COL18A1: variants seen among roughly 807,000 people sequenced by gnomAD.
COL18A1 encodes collagen alpha-1(XVIII) chain.
A neutral mutation model predicts 168.0 loss-of-function variants in COL18A1; 133 were observed. That is an observed-to-expected ratio of 0.79 (90% CI 0.69 to 0.91). The LOEUF (loss-of-function observed/expected upper bound fraction) is 0.91, where lower values mean the gene tolerates loss of function less well. COL18A1 is among the 40% of genes least tolerant of loss of function. The pLI is 0.00. For missense variants in COL18A1, 2,126 were observed against 1,925.4 expected (o/e 1.10, Z -1.95); for synonymous variants, 949 against 809.0 (o/e 1.17, Z -2.94).
At chr21:45,496,939 T>A (rs970891792) in intron 30 of COL18A1, 111 bp from the exon 31 acceptor site, 1 of 759,482 alleles carries the variant, frequency 1.3e-6, no homozygotes, top group African/African-American at 1.7e-5. Context: ...GGGAGGCTGC[T>A]ATGTGGCCTC....
At chr21:45,449,404 A>G (rs1602406987) in intron 2 of COL18A1, among the ~76,000 whole-genome samples, 1 of 152,132 alleles carries the variant, frequency 6.6e-6, no homozygotes. Flanking sequence ...TCCCCACCTC[A>G]TAGTCCCCAG....
intron 2 of COL18A1, among the ~76,000 whole-genome samples, chr21:45,460,022 C>T (rs2034988878): frequency 6.6e-6 from 1 of 152,298 alleles, no homozygotes; most frequent in East Asian, 1.9e-4. Flanking sequence ...GGCAAGCATC[C>T]TCTGACCTGG....
intron 32 of COL18A1, among the ~76,000 whole-genome samples, chr21:45,499,269 G>C (rs1379211207): frequency 1.3e-5 from 2 of 152,228 alleles, no homozygotes; most frequent in Non-Finnish European, 2.9e-5. Context: ...GGCAGTGGAG[G>C]GTATTTCAGG....
In COL18A1 at chr21:45,473,975, A is replaced by C; in HGVS notation, c.732A>C (p.Ser244=). 6.3e-7 allele frequency: 1 copy of C among 1,592,562 alleles called. No individual in the cohort carries two copies. Among genetic ancestry groups the C allele is most frequent in the South Asian group, 1.1e-5 (1 of 87,494 alleles). ...MHCLDEEGDD[S]DGASGDSGSG... The stretch of plus-strand genomic sequence containing the variant: ...GCCTGGACGAGGAAGGCGATGACTC[A>C]GATGGGGTGAGTGACATCTGGGGCA... Residue 244 remains serine (S), a synonymous_variant, in exon 4 of 42, where the codon TCA becomes TCC. Transcript: ENST00000651438. The surrounding 1 kb of genome is among the most constrained non-coding windows in gnomAD (Gnocchi z 4.0).
chr21:45,472,048 A>G (rs900040960), intron 3 of COL18A1, among the ~76,000 whole-genome samples: 2 of 151,760 alleles, frequency 1.3e-5, no homozygotes, highest in African/African-American at 4.8e-5. Context: ...CCTCGGGGGC[A>G]CTCTCAGGAG....
intron 15 of COL18A1, among the ~76,000 whole-genome samples, chr21:45,485,810 G>A (rs2036088529): frequency 6.6e-6 from 1 of 152,204 alleles, no homozygotes; most frequent in South Asian, 2.1e-4. Context: ...TCCCCACAGA[G>A]GGGGTTTCCT....
chr21:45,496,080 CATGCCCTCT>C (rs1035710090), intron 29 of COL18A1: 100 of 254,714 alleles, frequency 3.9e-4, no homozygotes, highest in East Asian at 1.1e-3. Context: ...CCATGCCCTC[CATGCCCTCT>C]ATGCCCTCCA....
intron 20 of COL18A1, 26 bp from the exon 21 acceptor site, chr21:45,490,810 G>T: frequency 6.5e-7 from 1 of 1,549,776 alleles, no homozygotes; most frequent in South Asian, 1.2e-5. Flanking sequence ...TGTTGGTGAT[G>T]AACCATTTCC....
chr21:45,482,861 G>C (rs777961450), intron 15 of COL18A1, 40 bp downstream of exon 15: 1 of 1,613,954 alleles, frequency 6.2e-7, no homozygotes. Flanking sequence ...CCCTGCCCCT[G>C]GTGCCCACTC....
chr21:45,432,219 G>A (rs1011323984), intron 2 of COL18A1, among the ~76,000 whole-genome samples: 50 of 150,618 alleles, frequency 3.3e-4, no homozygotes, highest in African/African-American at 1.1e-3. Context: ...GCCCTCATGG[G>A]GGGTCCTGAA....
chr21:45,511,367 A>G, intron 41 of COL18A1, 141 bp downstream of exon 41: 1 of 681,090 alleles, frequency 1.5e-6, no homozygotes, highest in South Asian at 1.5e-5. Context: ...AAAATCCAAA[A>G]GAGCATTGAG....
intron 5 of COL18A1, among the ~76,000 whole-genome samples, chr21:45,476,039 A>AT (rs2035636755): frequency 6.6e-6 from 1 of 152,146 alleles, no homozygotes; most frequent in Non-Finnish European, 1.5e-5. Flanking sequence ...CGGGTGCGGG[A>AT]ACGTGTTCCC....
intron 15 of COL18A1, 30 bp downstream of exon 15, chr21:45,482,851 C>T (rs1355040121): frequency 1.2e-6 from 2 of 1,613,992 alleles, no homozygotes; most frequent in African/African-American, 2.7e-5. Context: ...CACATCAGTC[C>T]CCTGCCCCTG....
Position 45,405,298 on chromosome 21 carries a change from C to CCT in COL18A1, c.11+57_11+58insCT, listed in dbSNP as rs1461390052. 49,805 of 520,514 alleles carry CCT rather than the reference C, an allele frequency of 0.096. 2,900 individuals carry two copies. Among genetic ancestry groups the CCT allele is most frequent in the Admixed American group, 0.11 (1,114 of 10,014 alleles). 32.2% of individuals were successfully genotyped at this position (520,514 alleles called of 1,614,324 possible). On this transcript the variant is annotated intron_variant, in intron 1 of 41. Transcript: ENST00000651438. ...GACGCCAAGATGCGGCTGCGGGGGT[C>CCT]GCGGGGGTCGCGGGGCTCGGCCGGG... is the stretch of plus-strand genomic sequence containing the variant.
chr21:45,455,908 G>C, intron 2 of COL18A1: 1 of 1,613,098 alleles, frequency 6.2e-7, no homozygotes, highest in South Asian at 1.1e-5. Context: ...GCTTCGTCCA[G>C]CTGTGGAATG....
intron 2 of COL18A1, among the ~76,000 whole-genome samples, chr21:45,464,136 C>T (rs980255032): frequency 6.6e-6 from 1 of 152,108 alleles, no homozygotes; most frequent in East Asian, 1.9e-4. Flanking sequence ...GCAGAGTGAC[C>T]ACATTTCCAG....
intron 15 of COL18A1, among the ~76,000 whole-genome samples, chr21:45,485,149 ATTTTTTTTTTTTTT>A (rs751718038): frequency 9.1e-5 from 5 of 55,052 alleles, no homozygotes; most frequent in African/African-American, 4.0e-4. Context: ...CACCTGGCTA[ATTTTTTTTTTTTTT>A]TTTTTTTTTT....
chr21:45,512,178 C>G lies in COL18A1; in HGVS notation c.3810-10C>G. 4 of 1,609,594 alleles carry G rather than the reference C, an allele frequency of 2.5e-6. No homozygotes were observed. Among genetic ancestry groups the G allele is most frequent in the South Asian group, 1.1e-5 (1 of 90,426 alleles). Reference sequence around the variant, plus strand: ...TCTGGGTTTGACTGACGGCCCGGCGCGTCTTACAGGCCCCAGAAGAGCGTG... The same window carrying G: ...TCTGGGTTTGACTGACGGCCCGGCGGGTCTTACAGGCCCCAGAAGAGCGTG... On this transcript the variant is annotated splice_polypyrimidine_tract_variant and intron_variant, in intron 41 of 41. Coordinates refer to ENST00000651438, the MANE Select transcript of COL18A1 (RefSeq NM_001379500.1).
At chr21:45,479,364 C>T (rs750503398) in intron 9 of COL18A1, among the ~76,000 whole-genome samples, 5 of 110,868 alleles carry the variant, frequency 4.5e-5, no homozygotes, top group South Asian at 2.6e-4. Flanking sequence ...CACGTGTGTG[C>T]ACACACACCA....
Sources: gnomAD v4.1 joint callset for allele counts (sites outside exome capture counted in the v4.1 genomes callset) on GRCh38, gnomAD v4.1.1 for gene constraint, Gnocchi (gnomAD v3.1) non-coding constraint, MANE v1.5 for transcripts, NCBI Gene and HGNC (gene_info 2026-07-23, HGNC 2026-07-21) for gene names.